NR3C1: variants seen among roughly 807,000 people sequenced by gnomAD.
NR3C1 encodes the protein glucocorticoid receptor.
Under a neutral mutation model 74.0 loss-of-function variants are expected in NR3C1, and 14 were observed. The ratio of observed to expected loss-of-function variants is 0.19; its 90% CI spans 0.12 to 0.30. The LOEUF (loss-of-function observed/expected upper bound fraction) is 0.30, where lower values mean the gene tolerates loss of function less well. Among genes scored for constraint, NR3C1 ranks in the 10% least tolerant of loss-of-function variants. The pLI is 1.00. For missense variants in NR3C1, 695 were observed against 909.8 expected (o/e 0.76, Z 3.04); for synonymous variants, 308 against 332.5 (o/e 0.93, Z 0.80).
chr5:143,365,449 A>C (rs529449560), intron 2 of NR3C1, among the ~76,000 whole-genome samples: 58 of 152,382 alleles, frequency 3.8e-4, no homozygotes, highest in African/African-American at 1.3e-3. Context: ...TAATGATAAA[A>C]GAATCAATCT....
At chr5:143,360,426 G>T (rs969441929) in intron 2 of NR3C1, among the ~76,000 whole-genome samples, 2 of 152,024 alleles carry the variant, frequency 1.3e-5, no homozygotes, top group African/African-American at 4.8e-5. Flanking sequence ...TTAAAAAACA[G>T]GTAAAATTCA....
At chr5:143,321,407 C>A (rs953778181) in intron 2 of NR3C1, among the ~76,000 whole-genome samples, 1 of 152,160 alleles carries the variant, frequency 6.6e-6, no homozygotes, top group Non-Finnish European at 1.5e-5. Flanking sequence ...ATGTCAGGAC[C>A]TATTCCTTCC....
intron 5 of NR3C1, among the ~76,000 whole-genome samples, chr5:143,299,342 G>GT (rs1348013412): frequency 3.9e-5 from 5 of 127,378 alleles, no homozygotes; most frequent in African/African-American, 6.0e-5. Context: ...AGCTTTTAAT[G>GT]TAAAAAAAAA....
In NR3C1 at chr5:143,300,881, T is replaced by C; in HGVS notation, c.1469-118A>G. 1 of 1,092,914 alleles carries C rather than the reference T, an allele frequency of 9.1e-7. No individual in the cohort carries two copies. Among genetic ancestry groups the C allele is most frequent in the South Asian group, 1.6e-5 (1 of 60,746 alleles). The allele number at this position is 1,092,914 out of a possible 1,614,324, so 67.7% of individuals were successfully genotyped here. A position where few individuals can be genotyped will look rare whatever the true frequency, so the allele number is the denominator to read the frequency against. On this transcript the variant is annotated intron_variant, in intron 4 of 8. Transcript: ENST00000394464. The surrounding 1 kb of genome is among the most constrained non-coding windows in gnomAD (Gnocchi z 5.2). ...CTATTAAGATGGGAGAAATATTTTA[T>C]TTAGCAATTATGATAAAGTGACATG...
intron 4 of NR3C1, among the ~76,000 whole-genome samples, chr5:143,307,536 T>G (rs1000965366): frequency 6.6e-6 from 1 of 152,194 alleles, no homozygotes; most frequent in African/African-American, 2.4e-5. Context: ...AAACTTTATA[T>G]GTATTCAGAA....
chr5:143,303,413 T>C (rs528452156), intron 4 of NR3C1, among the ~76,000 whole-genome samples: 1 of 151,206 alleles, frequency 6.6e-6, no homozygotes, highest in South Asian at 2.1e-4. Flanking sequence ...CAATAACGAG[T>C]TCTGAAATTG....
chr5:143,405,059 G>C (rs1321292907), upstream of NR3C1: 1 of 927,102 alleles, frequency 1.1e-6, no homozygotes, highest in East Asian at 1.2e-4. Context: ...GTGGGGCGAG[G>C]GGTGCCCGTG....
chr5:143,314,149 C>T lies in NR3C1; in HGVS notation c.1204G>A (p.Val402Ile). 3 of 1,613,690 alleles carry T rather than the reference C, an allele frequency of 1.9e-6. No individual in the cohort carries two copies. The highest frequency in any genetic ancestry group is 2.5e-6 in the Non-Finnish European group (3 of 1,179,732). The change falls in exon 3 of 9, where the codon GTA becomes ATA. Residue 402 changes from valine to isoleucine, a missense_variant. Val to Ile is a conservative substitution (Grantham distance 29). Transcript: ENST00000394464. The stretch of plus-strand genomic sequence containing the variant: ...GAGGAGCTGGATGGAGGAGAGCTTA[C>T]ATCTGGTCTCATGCTGGGGCTAAAG... Reference protein sequence around the residue: ...GYSSPSMRPDVSSPPSSSSTA... With the variant: ...GYSSPSMRPDISSPPSSSSTA...
intron 2 of NR3C1, among the ~76,000 whole-genome samples, chr5:143,393,322 G>C (rs993223258): frequency 6.6e-6 from 1 of 152,006 alleles, no homozygotes; most frequent in Middle Eastern, 3.2e-3. Flanking sequence ...TCAAATTGAC[G>C]GGTTAAAAGG....
intron 2 of NR3C1, among the ~76,000 whole-genome samples, chr5:143,337,194 T>A (rs946303374): frequency 2.0e-5 from 3 of 151,902 alleles, no homozygotes; most frequent in African/African-American, 7.3e-5. Flanking sequence ...ACTAGAAAAA[T>A]GGACAAAAAA....
At chr5:143,284,955 TTATGGG>T in intron 7 of NR3C1, among the ~76,000 whole-genome samples, 1 of 151,932 alleles carries the variant, frequency 6.6e-6, no homozygotes, top group East Asian at 1.9e-4. Flanking sequence ...CAGCTTTAAT[TTATGGG>T]TCAGACTACT....
chr5:143,299,523 T>A (rs1055704970), intron 5 of NR3C1, among the ~76,000 whole-genome samples: 1 of 152,110 alleles, frequency 6.6e-6, no homozygotes, highest in Non-Finnish European at 1.5e-5. Context: ...GAAATAAGTT[T>A]TAGTGTTCAG....
intron 2 of NR3C1, among the ~76,000 whole-genome samples, chr5:143,334,367 C>CGAA (rs1332872311): frequency 5.3e-5 from 8 of 151,748 alleles, no homozygotes; most frequent in African/African-American, 1.9e-4. Flanking sequence ...GGGCAACAAG[C>CGAA]GAAACTCTGT....
At position 143,291,381 on chromosome 5, in the gene NR3C1, A is replaced by C. The variant is rs1184928155; in HGVS notation, c.2023+4079T>G. Among the ~76,000 whole-genome samples, 9 of 151,866 alleles carry C rather than the reference A, an allele frequency of 5.9e-5. No homozygotes were observed. The South Asian group carries it at 1.0e-3, about 18-fold the overall frequency. On this transcript the variant is annotated intron_variant, in intron 7 of 8. Transcript: ENST00000394464. ...GCTGGGACTACAGGCGCGCACCACCACCCCCAGCTAAGTTTTGTATTTCTA... is the reference window on the plus strand; with the variant it reads ...GCTGGGACTACAGGCGCGCACCACCCCCCCCAGCTAAGTTTTGTATTTCTA...
chr5:143,352,685 TAA>T (rs2151789922), intron 2 of NR3C1, among the ~76,000 whole-genome samples: 1 of 152,342 alleles, frequency 6.6e-6, no homozygotes, highest in East Asian at 1.9e-4. Flanking sequence ...TGTAGTCTAT[TAA>T]GTGTGCAATA....
At chr5:143,418,756 T>A (rs976472375) in intron 1 of NR3C1, among the ~76,000 whole-genome samples, 8 of 152,200 alleles carry the variant, frequency 5.3e-5, no homozygotes, top group South Asian at 4.1e-4. Flanking sequence ...TAAGCTCCAG[T>A]GATGACACAG....
chr5:143,362,373 T>G (rs532598885), intron 2 of NR3C1, among the ~76,000 whole-genome samples: 66 of 152,046 alleles, frequency 4.3e-4, no homozygotes, highest in South Asian at 3.5e-3. Context: ...TTTTTTTTTT[T>G]TTGTTGAGAC....
intron 7 of NR3C1, among the ~76,000 whole-genome samples, chr5:143,286,520 G>A (rs1429620188): frequency 6.6e-6 from 1 of 152,020 alleles, no homozygotes; most frequent in African/African-American, 2.4e-5. Flanking sequence ...ATATGATCTT[G>A]AGGCACAAAA....
At chr5:143,338,918 T>C (rs1827691660) in intron 2 of NR3C1, among the ~76,000 whole-genome samples, 1 of 151,610 alleles carries the variant, frequency 6.6e-6, no homozygotes. Flanking sequence ...AGGTGTACTA[T>C]TTTTTTCCTC....
Sources: gnomAD v4.1 joint callset for allele counts (sites outside exome capture counted in the v4.1 genomes callset) on GRCh38, gnomAD v4.1.1 for gene constraint, Gnocchi (gnomAD v3.1) non-coding constraint, MANE v1.5 for transcripts, NCBI Gene and HGNC (gene_info 2026-07-23, HGNC 2026-07-21) for gene names.